The following MRC1 variants were observed in gnomAD, a reference collection of about 807,000 sequenced individuals.
MRC1 encodes macrophage mannose receptor 1.
A neutral mutation model predicts 102.9 loss-of-function variants in MRC1; 62 were observed. The ratio of observed to expected loss-of-function variants is 0.60; its 90% CI spans 0.49 to 0.74. MRC1 has a LOEUF of 0.74. MRC1 is among the 30% of genes least tolerant of loss of function. MRC1 has a pLI of 0.00. For synonymous variants in MRC1, 457 were observed against 298.4 expected (o/e 1.53, Z -5.48); for missense variants, 1,237 against 862.8 (o/e 1.43, Z -5.43).
intron 8 of MRC1, chr10:17,854,693 T>C: frequency 4.6e-6 from 1 of 218,896 alleles, no homozygotes; most frequent in South Asian, 5.2e-5. Flanking sequence ...TTTTATTTAT[T>C]TATTTATTTA....
intron 10 of MRC1, 53 bp downstream of exon 10, chr10:17,861,555 C>T: frequency 1.2e-6 from 1 of 805,576 alleles, no homozygotes; most frequent in South Asian, 1.4e-5. Flanking sequence ...AAAAAAGTTT[C>T]AGAAAAGCCC....
At chr10:17,879,639 A>C in intron 18 of MRC1, 82 bp from the exon 19 acceptor site, 1 of 780,472 alleles carries the variant, frequency 1.3e-6, no homozygotes, top group East Asian at 2.4e-5. Context: ...CTGGGATTAC[A>C]GGCGTGAGCC....
chr10:17,850,684 C>T (rs1423586775), intron 7 of MRC1, among the ~76,000 whole-genome samples: 4 of 151,946 alleles, frequency 2.6e-5, no homozygotes, highest in South Asian at 2.1e-4. Context: ...CTCTTCATTT[C>T]CCCCCAGCAA....
intron 22 of MRC1, 86 bp downstream of exon 22, chr10:17,885,521 T>C: frequency 2.7e-6 from 2 of 747,062 alleles, no homozygotes; most frequent in Non-Finnish European, 2.5e-6. Context: ...CATGAAAGAA[T>C]CTACCAGAAT....
rs556535600 is a variant in MRC1, at chr10:17,821,203, G to A, written c.62-1871G>A. Among the ~76,000 whole-genome samples the A allele has an allele frequency of 9.9e-5, 15 of 152,184 alleles. No individual in the cohort carries two copies. In the East Asian group the frequency reaches 1.9e-3, roughly 20 times the overall value. ...GAGGTTTGAAGTTGCAGAGAACTAG[G>A]AACCCAGGTGGCATAGAGGCAGCGA... On this transcript the variant is annotated intron_variant, in intron 1 of 29. Coordinates refer to ENST00000569591, the MANE Select transcript of MRC1 (RefSeq NM_002438.4).
intron 17 of MRC1, among the ~76,000 whole-genome samples, chr10:17,876,043 A>G (rs1589188672): frequency 6.6e-6 from 1 of 152,126 alleles, no homozygotes; most frequent in South Asian, 2.1e-4. Context: ...TTCATAGAAC[A>G]TCATTGATTT....
chr10:17,824,824 C>T (rs1048027813), intron 2 of MRC1, among the ~76,000 whole-genome samples: 10 of 152,094 alleles, frequency 6.6e-5, no homozygotes, highest in African/African-American at 2.4e-4. Flanking sequence ...TTATGCTTCC[C>T]TCACCCCCTA....
intron 3 of MRC1, among the ~76,000 whole-genome samples, chr10:17,829,523 C>G (rs1458590073): frequency 6.6e-6 from 1 of 151,476 alleles, no homozygotes; most frequent in Non-Finnish European, 1.5e-5. Flanking sequence ...TTATGTCAAT[C>G]TTTAGAAAGA....
chr10:17,873,640 C>T, intron 15 of MRC1, 144 bp from the exon 16 acceptor site: 1 of 722,164 alleles, frequency 1.4e-6, no homozygotes, highest in South Asian at 1.5e-5. Flanking sequence ...ACATGACGTG[C>T]AAATAGGAGA....
At chr10:17,907,049 A>G (rs1554843930) in intron 27 of MRC1, 50 bp downstream of exon 27, 7 of 772,106 alleles carry the variant, frequency 9.1e-6, no homozygotes, top group Non-Finnish European at 1.7e-5. Context: ...AAAATGTTGT[A>G]TGTAAAACAA....
intron 23 of MRC1, 105 bp from the exon 24 acceptor site, chr10:17,897,929 T>C: frequency 1.3e-6 from 1 of 769,950 alleles, no homozygotes; most frequent in South Asian, 1.4e-5. Context: ...TTTGGAGTTA[T>C]GCTACTTTGC....
intron 4 of MRC1, among the ~76,000 whole-genome samples, chr10:17,839,877 A>G (rs34137853): frequency 0.12 from 17,851 of 150,966 alleles, 1,075 homozygotes; most frequent in Middle Eastern, 0.17. Context: ...TGGCCAACAT[A>G]GTGAAATGTC....
intron 8 of MRC1, among the ~76,000 whole-genome samples, chr10:17,854,559 C>T (rs1027538493): frequency 2.0e-5 from 3 of 151,588 alleles, no homozygotes; most frequent in African/African-American, 4.9e-5. Context: ...TGAGTTGTCT[C>T]GGAGGGGTAA....
At chr10:17,813,700 A>ATTT (rs1168166887) in intron 1 of MRC1, among the ~76,000 whole-genome samples, 1 of 125,706 alleles carries the variant, frequency 8.0e-6, no homozygotes, top group African/African-American at 3.4e-5. Context: ...ATATATATAT[A>ATTT]TTTTTTTTTT....
chr10:17,815,970 A>G (rs1554837837), intron 1 of MRC1, among the ~76,000 whole-genome samples: 1 of 152,120 alleles, frequency 6.6e-6, no homozygotes, highest in Non-Finnish European at 1.5e-5. Flanking sequence ...GATTACGGGC[A>G]TGTGCGACCA....
At chr10:17,864,967 C>T (rs2130666419) in intron 11 of MRC1, among the ~76,000 whole-genome samples, 1 of 152,136 alleles carries the variant, frequency 6.6e-6, no homozygotes, top group Non-Finnish European at 1.5e-5. Context: ...CCCTGCCTGC[C>T]TCTCTATATA....
At chr10:17,864,846 A>T (rs1266672533) in intron 11 of MRC1, among the ~76,000 whole-genome samples, 1 of 151,614 alleles carries the variant, frequency 6.6e-6, no homozygotes, top group Non-Finnish European at 1.5e-5. Flanking sequence ...AAAAAAAAAA[A>T]AAAGCAGTGG....
intron 21 of MRC1, among the ~76,000 whole-genome samples, chr10:17,885,011 G>A (rs1319379595): frequency 6.6e-6 from 1 of 152,198 alleles, no homozygotes; most frequent in Non-Finnish European, 1.5e-5. Flanking sequence ...CCCTTGGGCA[G>A]GGTGCAACTT....
intron 9 of MRC1, among the ~76,000 whole-genome samples, chr10:17,860,147 A>G (rs2028634): frequency 0.12 from 17,706 of 152,008 alleles, 1,204 homozygotes; most frequent in Non-Finnish European, 0.16. Context: ...CAACAATTTA[A>G]TTTGTGCATT....
Sources: gnomAD v4.1 joint callset for allele counts (sites outside exome capture counted in the v4.1 genomes callset) on GRCh38, gnomAD v4.1.1 for gene constraint, MANE v1.5 for transcripts, NCBI Gene and HGNC (gene_info 2026-07-23, HGNC 2026-07-21) for gene names.